CRTAP: variants seen among roughly 807,000 people sequenced by gnomAD.
CRTAP encodes the protein cartilage-associated protein.
Under a neutral mutation model 42.7 loss-of-function variants are expected in CRTAP, and 33 were observed. The observed-to-expected ratio is 0.77, with a 90% CI of 0.59 to 1.03. CRTAP has a LOEUF of 1.03. CRTAP is among the 50% of genes least tolerant of loss of function. The pLI, the probability that CRTAP is intolerant of heterozygous loss-of-function variation, is 0.00. For missense variants in CRTAP, 613 were observed against 533.9 expected, an observed-to-expected ratio of 1.15 and a Z score of -1.46; for synonymous variants, 243 against 217.7, an observed-to-expected ratio of 1.12 and a Z score of -1.02.
intron 2 of CRTAP, among the ~76,000 whole-genome samples, chr3:33,122,805 A>T (rs2029924218): frequency 6.6e-6 from 1 of 151,842 alleles, no homozygotes. Flanking sequence ...GGGTGCCCTC[A>T]GATACCACCA....
At chr3:33,124,346 T>C in intron 2 of CRTAP, 62 bp from the exon 3 acceptor site, 2 of 1,605,634 alleles carry the variant, frequency 1.2e-6, no homozygotes, top group South Asian at 1.1e-5. Flanking sequence ...CCCTTTGAGA[T>C]TTCATGACTG....
At chr3:33,128,273 C>T (rs1345528307) in intron 3 of CRTAP, among the ~76,000 whole-genome samples, 1 of 150,782 alleles carries the variant, frequency 6.6e-6, no homozygotes, top group Non-Finnish European at 1.5e-5. Context: ...TTTCTAGCAC[C>T]TTTTTTTTTC....
At chr3:33,137,384 A>G (rs954678578) in intron 6 of CRTAP, among the ~76,000 whole-genome samples, 1 of 151,660 alleles carries the variant, frequency 6.6e-6, no homozygotes, top group Non-Finnish European at 1.5e-5. Context: ...CAGGCGATCC[A>G]CCCGCCTCAG....
Position 33,124,497 on chromosome 3 carries a change from C to T in CRTAP, c.711C>T (p.Phe237=). Residue 237 remains phenylalanine (F), a synonymous_variant, in exon 3 of 7, where the codon TTC becomes TTT. Coordinates refer to ENST00000320954, the MANE Select transcript of CRTAP (RefSeq NM_006371.5). ...TGGAGCTGGCCCTTCCCGACTTCTT[C>T]AAAGCCTTTTACGAGTGTCTCGCAG... The part of the protein sequence containing the change: ...TDMELALPDF[F]KAFYECLAAC... 1 of 1,614,212 alleles carries T rather than the reference C, an allele frequency of 6.2e-7. No individual in the cohort carries two copies. Among genetic ancestry groups the T allele is most frequent in the Non-Finnish European group, 8.5e-7 (1 of 1,180,044 alleles).
intron 2 of CRTAP, among the ~76,000 whole-genome samples, chr3:33,122,018 C>G (rs949168755): frequency 6.6e-6 from 1 of 152,180 alleles, no homozygotes; most frequent in Non-Finnish European, 1.5e-5. Flanking sequence ...TATTTCACTT[C>G]CTGCCTTTCC....
At chr3:33,121,390 C>A (rs544742900) in intron 2 of CRTAP, among the ~76,000 whole-genome samples, 2 of 150,172 alleles carry the variant, frequency 1.3e-5, no homozygotes, top group Non-Finnish European at 2.9e-5. Flanking sequence ...CCAGCCTGGG[C>A]GACAGAGCGA....
chr3:33,127,107 T>C (rs1559434549), intron 3 of CRTAP, among the ~76,000 whole-genome samples: 1 of 151,692 alleles, frequency 6.6e-6, no homozygotes. Flanking sequence ...GGCTTTTTTT[T>C]TTTTTTTTTA....
In CRTAP at chr3:33,131,265, CG is replaced by C. The variant is rs11402279; in HGVS notation, c.922+1207del. 1.1e-3 allele frequency among the ~76,000 whole-genome samples: 160 copies of C among 141,762 alleles called. 2 individuals are homozygous for C. Among genetic ancestry groups the C allele is most frequent in the African/African-American group, 1.8e-3 (68 of 37,226 alleles). 93.0% of individuals were successfully genotyped at this position (141,762 alleles called of 152,430 possible). A position where few individuals can be genotyped will look rare whatever the true frequency, so the allele number is the denominator to read the frequency against. ...CTGTGGTAATTGTGTTTTTTTTTTG[CG>C]GGGGGGGGTTCCTCTTTATCTCACC... is the stretch of plus-strand genomic sequence containing the variant. On this transcript the variant is annotated intron_variant, in intron 4 of 6. Transcript: ENST00000320954.
intron 4 of CRTAP, among the ~76,000 whole-genome samples, chr3:33,131,657 A>T (rs1056558484): frequency 2.6e-5 from 4 of 152,238 alleles, no homozygotes; most frequent in African/African-American, 9.6e-5. Flanking sequence ...GCTTCCTGAA[A>T]ATCTGCCCCG....
chr3:33,115,323 A>AG (rs1242737713), intron 1 of CRTAP: 1 of 152,202 alleles, frequency 6.6e-6, no homozygotes, highest in Non-Finnish European at 1.5e-5. Flanking sequence ...CCCTGCTTAA[A>AG]GGGGAACTCG....
intron 2 of CRTAP, among the ~76,000 whole-genome samples, chr3:33,122,720 A>AAG: frequency 6.6e-6 from 1 of 150,494 alleles, no homozygotes; most frequent in Admixed American, 6.6e-5. Context: ...AAAAAAAAAA[A>AAG]AAAAAAAAAA....
At chr3:33,114,678 C>T (rs1413348985) in intron 1 of CRTAP, 130 bp downstream of exon 1, 1 of 802,550 alleles carries the variant, frequency 1.2e-6, no homozygotes, top group Non-Finnish European at 2.0e-6. Context: ...CCATCCAGCC[C>T]TGCCAAAGGT....
intron 3 of CRTAP, among the ~76,000 whole-genome samples, chr3:33,127,331 CT>C (rs2030102341): frequency 6.6e-6 from 1 of 151,990 alleles, no homozygotes; most frequent in African/African-American, 2.4e-5. Flanking sequence ...ATACAAAGAA[CT>C]CTCATGTACA....
intron 4 of CRTAP, among the ~76,000 whole-genome samples, chr3:33,132,184 T>A (rs1302546913): frequency 1.3e-5 from 2 of 152,120 alleles, no homozygotes; most frequent in Admixed American, 1.3e-4. Context: ...ATCCAGACAC[T>A]CTAGGACCCA....
chr3:33,130,772 G>A (rs2030236671), intron 4 of CRTAP, among the ~76,000 whole-genome samples: 1 of 152,006 alleles, frequency 6.6e-6, no homozygotes, highest in African/African-American at 2.4e-5. Context: ...GACCTCAAGT[G>A]ATCCACCCAC....
At chr3:33,137,866 A>G (rs148092013) in intron 6 of CRTAP, among the ~76,000 whole-genome samples, 1 of 152,322 alleles carries the variant, frequency 6.6e-6, no homozygotes, top group East Asian at 1.9e-4. Flanking sequence ...ATTTGAGTTA[A>G]TTTTATGTGT....
chr3:33,142,266 C>G, intron 6 of CRTAP, 129 bp from the exon 7 acceptor site: 5 of 834,138 alleles, frequency 6.0e-6, no homozygotes, highest in Non-Finnish European at 1.0e-5. Context: ...GGGCCCCAGA[C>G]CAGCAGAAAA....
At position 33,114,091 on chromosome 3, in the gene CRTAP, G is replaced by A; in HGVS notation, c.14G>A (p.Arg5His). 1 of 1,460,288 alleles carries A rather than the reference G, an allele frequency of 6.8e-7. No homozygotes were observed. Among genetic ancestry groups the A allele is most frequent in the South Asian group, 1.3e-5 (1 of 75,536 alleles). 90.5% of individuals were successfully genotyped at this position (1,460,288 alleles called of 1,614,324 possible). A position where few individuals can be genotyped will look rare whatever the true frequency, so the allele number is the denominator to read the frequency against. The change falls in exon 1 of 7, where the codon CGC (arginine) becomes CAC (histidine). Residue 5 changes from arginine to histidine, a missense_variant. Coordinates refer to ENST00000320954, the MANE Select transcript of CRTAP (RefSeq NM_006371.5). MEPG[R>H]RGAAALLALL... Reference sequence around the variant, plus strand: ...TCGCCGGGCGCGATGGAGCCGGGGCGCCGGGGGGCCGCGGCGCTGCTAGCG... The same window carrying A: ...TCGCCGGGCGCGATGGAGCCGGGGCACCGGGGGGCCGCGGCGCTGCTAGCG...
intron 1 of CRTAP, among the ~76,000 whole-genome samples, chr3:33,118,982 C>T (rs1244270446): frequency 1.3e-5 from 2 of 152,224 alleles, no homozygotes; most frequent in African/African-American, 4.8e-5. Flanking sequence ...CCCTTTCTCC[C>T]TCTTCTTCTC....
Sources: allele counts gnomAD v4.1 joint callset (sites outside exome capture counted in the v4.1 genomes callset), GRCh38; gene constraint gnomAD v4.1.1; transcripts MANE v1.5; gene names NCBI Gene and HGNC (gene_info 2026-07-23, HGNC 2026-07-21).